SLC45A4: variants seen among roughly 807,000 people sequenced by gnomAD.
The protein encoded by SLC45A4 is polyamine-transporter SLC45A4.
Under a neutral mutation model 63.7 loss-of-function variants are expected in SLC45A4, and 32 were observed. The observed-to-expected ratio is 0.50, with a 90% CI of 0.38 to 0.67. SLC45A4 has a LOEUF of 0.67. Among genes scored for constraint, SLC45A4 ranks in the 30% least tolerant of loss-of-function variants. The pLI is 0.00. For synonymous variants in SLC45A4, 535 were observed against 510.0 expected (o/e 1.05, Z -0.66); for missense variants, 1,027 against 1,157.7 (o/e 0.89, Z 1.64).
intron 1 of SLC45A4, among the ~76,000 whole-genome samples, chr8:141,300,528 C>T (rs1830705889): frequency 6.6e-6 from 1 of 152,264 alleles, no homozygotes; most frequent in Non-Finnish European, 1.5e-5. Context: ...CAGAGGCCCA[C>T]CTTCCCAACC....
At chr8:141,234,143 C>T (rs1827502374) in intron 2 of SLC45A4, among the ~76,000 whole-genome samples, 1 of 152,246 alleles carries the variant, frequency 6.6e-6, no homozygotes, top group African/African-American at 2.4e-5. Flanking sequence ...GACTGTTCTT[C>T]TCTATGTCCA....
chr8:141,307,562 T>C (rs1319515016), intron 1 of SLC45A4, among the ~76,000 whole-genome samples: 2 of 151,418 alleles, frequency 1.3e-5, no homozygotes, highest in South Asian at 4.2e-4. Flanking sequence ...AGGGAGTGTG[T>C]TCGGTTGGGA....
intron 1 of SLC45A4, among the ~76,000 whole-genome samples, chr8:141,295,560 C>A (rs1462188554): frequency 2.0e-5 from 3 of 152,198 alleles, no homozygotes; most frequent in Non-Finnish European, 1.5e-5. Flanking sequence ...ATCTAAGATG[C>A]AAAGAAGCTG....
Position 141,208,666 on chromosome 8 carries a change from C to T in SLC45A4, c.*2906G>A, listed in dbSNP as rs1397986340. ...CTGCCTGAGAGTGAGAAAAACAACA[C>T]TCCAAAGCTAGCTCTTCAGCCACCA... On this transcript the variant is annotated 3_prime_UTR_variant, in exon 9 of 9. Transcript: ENST00000517878. 1 of 152,302 alleles carries T rather than the reference C, an allele frequency of 6.6e-6. No homozygotes were observed. Among genetic ancestry groups the T allele is most frequent in the Non-Finnish European group, 1.5e-5 (1 of 68,102 alleles). 9.4% of individuals were successfully genotyped at this position (152,302 alleles called of 1,614,324 possible).
intron 2 of SLC45A4, among the ~76,000 whole-genome samples, chr8:141,223,297 C>A (rs10875467): frequency 0.64 from 97,565 of 152,158 alleles, 31,803 homozygotes; most frequent in East Asian, 0.82. Context: ...AAGTATGTGA[C>A]GCGTGTCCGC....
intron 3 of SLC45A4, 93 bp from the exon 4 acceptor site, chr8:141,219,922 G>A (rs1826496988): frequency 2.4e-6 from 3 of 1,249,850 alleles, no homozygotes; most frequent in Non-Finnish European, 2.2e-6. Context: ...GCATGCGGAG[G>A]GGGCACGGCC....
chr8:141,288,416 A>G (rs1259801836), intron 1 of SLC45A4, among the ~76,000 whole-genome samples: 2 of 152,224 alleles, frequency 1.3e-5, no homozygotes, highest in African/African-American at 4.8e-5. Flanking sequence ...CCACATTTTC[A>G]CATACGACAG....
chr8:141,282,236 G>C (rs763927776), intron 1 of SLC45A4, among the ~76,000 whole-genome samples: 1 of 152,162 alleles, frequency 6.6e-6, no homozygotes, highest in Non-Finnish European at 1.5e-5. Context: ...GCCAAGGGGG[G>C]GCCCTCAGCA....
rs897362142 is a variant in SLC45A4, at chr8:141,215,270, G to A, written c.1941+489C>T. Among the ~76,000 whole-genome samples the A allele has an allele frequency of 2.0e-5, 3 of 152,188 alleles. No individual in the cohort carries two copies. Among genetic ancestry groups the A allele is most frequent in the Admixed American group, 2.0e-4 (3 of 15,274 alleles). ...GATGAGCAAGAGTGTAAGGTATCTC[G>A]ATGACTTTTTTCATATAGAGTACAT... On this transcript the variant is annotated intron_variant, in intron 7 of 8. Transcript: ENST00000517878. This position sits in a 1 kb window ranked among gnomAD's most constrained non-coding sequence, Gnocchi z 4.3.
Position 141,218,814 on chromosome 8 carries a change from C to T in SLC45A4, c.826G>A (p.Glu276Lys), listed in dbSNP as rs762702780. ...AEEPGALDGG[E>K]PHGVPAFPDE... ...GGGAAGGCAGGGACGCCGTGCGGCTCGCCCCCATCCAGGGCGCCGGGCTCC... is the reference window on the plus strand; with the variant it reads ...GGGAAGGCAGGGACGCCGTGCGGCTTGCCCCCATCCAGGGCGCCGGGCTCC... The change falls in exon 5 of 9, where the codon GAG (glutamate) becomes AAG (lysine). Residue 276 changes from glutamate (E) to lysine (K), a missense_variant. Transcript: ENST00000517878. The T allele has an allele frequency of 9.9e-6, 16 of 1,612,988 alleles. No individual in the cohort carries two copies. In the Admixed American group the frequency reaches 1.7e-4, roughly 17 times the overall value.
chr8:141,242,913 C>A (rs933784448), intron 2 of SLC45A4, among the ~76,000 whole-genome samples: 2 of 152,232 alleles, frequency 1.3e-5, no homozygotes, highest in Non-Finnish European at 1.5e-5. Context: ...GAATCTCTCA[C>A]AAGAGGCGAC....
At chr8:141,276,218 AAAAC>A (rs199591315) in intron 1 of SLC45A4, among the ~76,000 whole-genome samples, 1,537 of 152,324 alleles carry the variant, frequency 0.01, 6 homozygotes, top group Middle Eastern at 0.027. Flanking sequence ...ACTTTTAATT[AAAAC>A]AAACAAACAA....
intron 1 of SLC45A4, among the ~76,000 whole-genome samples, chr8:141,298,567 G>A (rs13273732): frequency 0.13 from 20,227 of 152,256 alleles, 1,722 homozygotes; most frequent in Non-Finnish European, 0.19. Context: ...AAGCCAAGTG[G>A]CCAACCCGAA....
At position 141,295,305 on chromosome 8, in the gene SLC45A4, C is replaced by G. The variant is rs535574993; in HGVS notation, c.-401+12791G>C. Among the ~76,000 whole-genome samples the G allele has an allele frequency of 3.3e-5, 5 of 152,288 alleles. No homozygotes were observed. The South Asian group carries it at 1.0e-3, about 32-fold the overall frequency. On this transcript the variant is annotated intron_variant, in intron 1 of 8. Coordinates refer to ENST00000517878, the MANE Select transcript of SLC45A4 (RefSeq NM_001286646.2). ...CTGCCCCAGGCCCCTGAGAGAGGCACCAGGATCCAATCTCTGCAGGACCTC... is the reference window on the plus strand; with the variant it reads ...CTGCCCCAGGCCCCTGAGAGAGGCAGCAGGATCCAATCTCTGCAGGACCTC...
At chr8:141,255,599 C>T (rs767379757) in intron 1 of SLC45A4, among the ~76,000 whole-genome samples, 1 of 152,098 alleles carries the variant, frequency 6.6e-6, no homozygotes, top group Non-Finnish European at 1.5e-5. Flanking sequence ...GCCTGTAATA[C>T]CAGCTACTCA....
chr8:141,211,381 C>T lies in SLC45A4; in HGVS notation c.*191G>A, dbSNP rs533944925. ...CAGGAGCTCGTCTGGAGCTCACGCT[C>T]CGCCCCCAGGTGGTGCCCAGCCCAT... On this transcript the variant is annotated 3_prime_UTR_variant, in exon 9 of 9. Coordinates refer to ENST00000517878, the MANE Select transcript of SLC45A4 (RefSeq NM_001286646.2). 201 of 1,501,282 alleles carry T rather than the reference C, an allele frequency of 1.3e-4. 1 individual carries two copies. In the African/African-American group the frequency reaches 2.4e-3, roughly 18 times the overall value. The allele number at this position is 1,501,282 out of a possible 1,614,324, so 93.0% of individuals were successfully genotyped here.
At chr8:141,264,933 G>A (rs896368189) in intron 1 of SLC45A4, among the ~76,000 whole-genome samples, 4 of 152,286 alleles carry the variant, frequency 2.6e-5, no homozygotes, top group East Asian at 1.9e-4. Context: ...GACAGAACCC[G>A]TCTATCATGC....
chr8:141,286,170 G>C (rs1201693842), intron 1 of SLC45A4, among the ~76,000 whole-genome samples: 1 of 152,188 alleles, frequency 6.6e-6, no homozygotes, highest in Non-Finnish European at 1.5e-5. Flanking sequence ...CCTGGCTCCA[G>C]CCCTTGGGGT....
intron 1 of SLC45A4, among the ~76,000 whole-genome samples, chr8:141,265,832 T>C (rs1829244364): frequency 1.3e-5 from 2 of 152,228 alleles, no homozygotes; most frequent in Non-Finnish European, 2.9e-5. Context: ...AGCTTCCCTT[T>C]GGAATCTGTT....
Sources: allele counts gnomAD v4.1 joint callset (sites outside exome capture counted in the v4.1 genomes callset), GRCh38; gene constraint gnomAD v4.1.1; non-coding constraint Gnocchi (gnomAD v3.1); transcripts MANE v1.5; gene names NCBI Gene and HGNC (gene_info 2026-07-23, HGNC 2026-07-21).